IRAK2: variants seen among roughly 807,000 people sequenced by gnomAD.
The protein encoded by IRAK2 is interleukin 1 receptor associated kinase 2.
In IRAK2, 57 loss-of-function variants were observed where a neutral mutation model predicts 72.0. The observed-to-expected ratio is 0.79, with a 90% CI of 0.64 to 0.99. The LOEUF (loss-of-function observed/expected upper bound fraction) is 0.99. Ranked by LOEUF, IRAK2 falls within the 50% of genes least tolerant of loss-of-function variation. The pLI, the probability that IRAK2 is intolerant of heterozygous loss-of-function variation, is 0.00. For synonymous variants in IRAK2, 293 were observed against 312.7 expected, an observed-to-expected ratio of 0.94 and a Z score of 0.67; for missense variants, 790 against 794.4, an observed-to-expected ratio of 0.99 and a Z score of 0.07.
At chr3:10,191,941 A>G (rs1338936090) in intron 2 of IRAK2, among the ~76,000 whole-genome samples, 1 of 152,170 alleles carries the variant, frequency 6.6e-6, no homozygotes, top group Non-Finnish European at 1.5e-5. Context: ...GTACAAGTTC[A>G]GTGGAGAACC....
Position 10,242,249 on chromosome 3 carries a change from A to G in IRAK2, c.*21A>G. The G allele has an allele frequency of 1.4e-6, 2 of 1,398,726 alleles. No individual in the cohort carries two copies. The highest frequency in any genetic ancestry group is 1.0e-6 in the Non-Finnish European group (1 of 999,052). 86.6% of individuals were successfully genotyped at this position (1,398,726 alleles called of 1,614,324 possible). On this transcript the variant is annotated 3_prime_UTR_variant, in exon 13 of 13. Coordinates refer to ENST00000256458, the MANE Select transcript of IRAK2 (RefSeq NM_001570.4). ...CCTGATGACCGGAACACAGCTGAGG[A>G]CCCTTGTCCTCAGTTGGAAAGATGA...
At chr3:10,229,977 G>A (rs1207970942) in intron 10 of IRAK2, among the ~76,000 whole-genome samples, 4 of 152,038 alleles carry the variant, frequency 2.6e-5, no homozygotes, top group African/African-American at 7.2e-5. Context: ...GCGAGTGCCT[G>A]TAATCCCAGC....
rs1284984820 is a variant in IRAK2, at chr3:10,237,579, G to A, written c.1474-1169G>A. 9.9e-5 allele frequency among the ~76,000 whole-genome samples: 15 copies of A among 152,002 alleles called. 1 individual carries two copies. Among genetic ancestry groups the A allele is most frequent in the Admixed American group, 6.6e-4 (10 of 15,252 alleles). ...TCTCAGCACTTTGGGAGGCCGAGGC[G>A]GGCGGATCACGAGGTCAGGAGATCG... On this transcript the variant is annotated intron_variant, in intron 11 of 12. Transcript: ENST00000256458.
At chr3:10,166,825 G>A (rs1244226632) in intron 1 of IRAK2, among the ~76,000 whole-genome samples, 11 of 152,144 alleles carry the variant, frequency 7.2e-5, no homozygotes, top group South Asian at 2.1e-4. Flanking sequence ...TATGTTTTTA[G>A]TAGAGATGGG....
chr3:10,226,508 A>G lies in IRAK2; in HGVS notation c.1272+75A>G, dbSNP rs1025053957. On this transcript the variant is annotated intron_variant, in intron 10 of 12. Transcript: ENST00000256458. The stretch of plus-strand genomic sequence containing the variant: ...CTCTGTAGAGAGGGCAACGACCTCA[A>G]TTCTAGCTAGTTTTACACATGCAAA... 9 of 1,215,350 alleles carry G rather than the reference A, an allele frequency of 7.4e-6. No homozygotes were observed. The East Asian group carries it at 2.0e-4, about 27-fold the overall frequency. 75.3% of individuals were successfully genotyped at this position (1,215,350 alleles called of 1,614,324 possible). A position where few individuals can be genotyped will look rare whatever the true frequency, so the allele number is the denominator to read the frequency against.
rs1320490903 is a variant in IRAK2, at chr3:10,195,143, A to G, written c.278-5226A>G. Among the ~76,000 whole-genome samples, 3 of 152,338 alleles carry G rather than the reference A, an allele frequency of 2.0e-5. No individual in the cohort carries two copies. The South Asian group carries it at 6.2e-4, about 32-fold the overall frequency. ...GGATGAAAACATAATGACATTTTTTATCTTCCCCACGGGTGGAGCCCACAG... is the reference window on the plus strand; with the variant it reads ...GGATGAAAACATAATGACATTTTTTGTCTTCCCCACGGGTGGAGCCCACAG... On this transcript the variant is annotated intron_variant, in intron 2 of 12. Coordinates refer to ENST00000256458, the MANE Select transcript of IRAK2 (RefSeq NM_001570.4).
chr3:10,213,719 G>A (rs543009159), intron 6 of IRAK2, among the ~76,000 whole-genome samples, 171 bp downstream of exon 6: 1 of 152,236 alleles, frequency 6.6e-6, no homozygotes, highest in South Asian at 2.1e-4. Context: ...GTAAATTGAG[G>A]CACAGAGGGG....
intron 12 of IRAK2, 61 bp downstream of exon 12, chr3:10,239,100 C>A: frequency 1.4e-6 from 2 of 1,429,430 alleles, no homozygotes; most frequent in South Asian, 2.8e-5. Context: ...TTCAGCCCAT[C>A]ATTTTTTCTT....
intron 1 of IRAK2, among the ~76,000 whole-genome samples, chr3:10,176,658 TA>T (rs1227846213): frequency 6.7e-6 from 1 of 148,634 alleles, no homozygotes; most frequent in African/African-American, 2.5e-5. Context: ...TTTGTATTTT[TA>T]GTAGAGACGA....
At chr3:10,185,688 A>G (rs1434086558) in intron 2 of IRAK2, among the ~76,000 whole-genome samples, 2 of 151,092 alleles carry the variant, frequency 1.3e-5, no homozygotes, top group Non-Finnish European at 2.9e-5. Flanking sequence ...CAGCCTGGCC[A>G]ACATGGTGAA....
At chr3:10,230,099 A>G (rs1697836250) in intron 10 of IRAK2, among the ~76,000 whole-genome samples, 1 of 152,190 alleles carries the variant, frequency 6.6e-6, no homozygotes, top group African/African-American at 2.4e-5. Flanking sequence ...CTCTGTCTCA[A>G]AAAAATAAAA....
chr3:10,172,224 G>A (rs997576285), intron 1 of IRAK2, among the ~76,000 whole-genome samples: 4 of 151,624 alleles, frequency 2.6e-5, no homozygotes, highest in Admixed American at 6.6e-5. Flanking sequence ...AAAATTAGCC[G>A]GGCATGGTGG....
At position 10,202,689 on chromosome 3, in the gene IRAK2, C is replaced by CTT. The variant is rs374939802; in HGVS notation, c.424+2194_424+2195dup. ...CAGCCTTTGCTGTTTACTTTCTTTC[C>CTT]TTTTTTTTTTTTTTTTTTTTTGAGA... On this transcript the variant is annotated intron_variant, in intron 3 of 12. Coordinates refer to ENST00000256458, the MANE Select transcript of IRAK2 (RefSeq NM_001570.4). Among the ~76,000 whole-genome samples, 826 of 98,026 alleles carry CTT rather than the reference C, an allele frequency of 8.4e-3. 24 individuals are homozygous for CTT. The highest frequency in any genetic ancestry group is 0.039 in the South Asian group (111 of 2,872). The allele number at this position is 98,026 out of a possible 152,430, so 64.3% of individuals were successfully genotyped here.
intron 2 of IRAK2, among the ~76,000 whole-genome samples, chr3:10,192,698 C>T (rs1031066923): frequency 6.6e-6 from 1 of 151,978 alleles, no homozygotes; most frequent in Non-Finnish European, 1.5e-5. Context: ...GCGGACGGAT[C>T]ACCTGAGGTC....
chr3:10,241,798 T>A, intron 12 of IRAK2, among the ~76,000 whole-genome samples: 1 of 66,258 alleles, frequency 1.5e-5, no homozygotes, highest in East Asian at 7.2e-4. Context: ...TGAGACTCCA[T>A]CTCAAAAAAA....
chr3:10,184,792 C>T (rs1387143428), intron 2 of IRAK2, among the ~76,000 whole-genome samples: 5 of 144,082 alleles, frequency 3.5e-5, no homozygotes, highest in African/African-American at 7.9e-5. Flanking sequence ...TGCAGTGGCG[C>T]GATCTCGGCT....
At chr3:10,174,853 T>C (rs1696848110) in intron 1 of IRAK2, among the ~76,000 whole-genome samples, 1 of 151,642 alleles carries the variant, frequency 6.6e-6, no homozygotes, top group Non-Finnish European at 1.5e-5. Flanking sequence ...TAAAAATGCC[T>C]TTCTCACTTC....
chr3:10,167,623 G>C (rs1696717623), intron 1 of IRAK2, among the ~76,000 whole-genome samples: 1 of 152,016 alleles, frequency 6.6e-6, no homozygotes, highest in African/African-American at 2.4e-5. Flanking sequence ...CACTGTGTTA[G>C]CCAGGATGGT....
intron 2 of IRAK2, among the ~76,000 whole-genome samples, chr3:10,198,494 C>T (rs930923644): frequency 6.6e-6 from 1 of 152,232 alleles, no homozygotes; most frequent in Non-Finnish European, 1.5e-5. Context: ...ACAGTGAAAC[C>T]AGTCCCAGGT....
Sources: gnomAD v4.1 joint callset for allele counts (sites outside exome capture counted in the v4.1 genomes callset) on GRCh38, gnomAD v4.1.1 for gene constraint, MANE v1.5 for transcripts, NCBI Gene and HGNC (gene_info 2026-07-23, HGNC 2026-07-21) for gene names.